RLN2: variants seen among roughly 807,000 people sequenced by gnomAD.
RLN2 encodes the protein prorelaxin H2.
RLN2 carries 10 observed loss-of-function variants against 7.3 expected under a neutral mutation model. That is an observed-to-expected ratio of 1.36 (90% confidence interval 0.84 to 2.31). The LOEUF (loss-of-function observed/expected upper bound fraction) is 2.31. Among genes scored for constraint, RLN2 ranks in the 30% most tolerant of loss-of-function variants. The probability of loss-of-function intolerance (pLI) is 0.00; values close to 1 mark genes in which losing one functional copy is unlikely to be tolerated. For synonymous variants in RLN2, 103 were observed against 82.3 expected (o/e 1.25, Z -1.36); for missense variants, 298 against 217.6 (o/e 1.37, Z -2.32).
chr9:5,304,315 C>T (rs1448115159), intron 1 of RLN2, 55 bp downstream of exon 1: 6 of 1,329,354 alleles, frequency 4.5e-6, no homozygotes, highest in Non-Finnish European at 5.2e-6. Context: ...GGGCGGCCGC[C>T]CCAGAGTAAC....
Position 5,300,084 on chromosome 9 carries a change from C to T in RLN2, c.*14G>A, listed in dbSNP as rs751612206. The T allele has an allele frequency of 6.6e-7, 1 of 1,508,514 alleles. No individual in the cohort carries two copies. Among genetic ancestry groups the T allele is most frequent in the East Asian group, 2.3e-5 (1 of 44,382 alleles). 93.4% of individuals were successfully genotyped at this position (1,508,514 alleles called of 1,614,324 possible). A position where few individuals can be genotyped will look rare whatever the true frequency, so the allele number is the denominator to read the frequency against. Reference sequence around the variant, plus strand: ...GTGTGAATATTATACGAGATGTGCACAATTAGCTTCATCTCAGCAAAATCT... The same window carrying T: ...GTGTGAATATTATACGAGATGTGCATAATTAGCTTCATCTCAGCAAAATCT... On this transcript the variant is annotated 3_prime_UTR_variant, in exon 2 of 2. Coordinates refer to ENST00000381627, the MANE Select transcript of RLN2 (RefSeq NM_134441.3).
upstream of RLN2, among the ~76,000 whole-genome samples, chr9:5,306,320 C>G (rs1372417772): frequency 1.3e-5 from 2 of 151,774 alleles, 1 homozygote; most frequent in Non-Finnish European, 2.9e-5. Flanking sequence ...GTTGGACAGG[C>G]TGGTCTGAAA....
At chr9:5,307,261 GAT>G (rs1816268797), upstream of RLN2, among the ~76,000 whole-genome samples, 1 of 116,258 alleles carries the variant, frequency 8.6e-6, no homozygotes, top group Non-Finnish European at 1.8e-5. Flanking sequence ...ATGATAGATA[GAT>G]AGATAGAGGA....
intron 1 of RLN2, 62 bp downstream of exon 1, chr9:5,304,308 C>T (rs961489414): frequency 7.3e-5 from 88 of 1,212,822 alleles, no homozygotes; most frequent in Non-Finnish European, 8.9e-5. Flanking sequence ...TCCAATTGGG[C>T]GGCCGCCCCA....
upstream of RLN2, among the ~76,000 whole-genome samples, chr9:5,306,193 C>T (rs1816249648): frequency 6.7e-6 from 1 of 150,342 alleles, no homozygotes; most frequent in South Asian, 2.1e-4. Context: ...CTGCAACCTC[C>T]ACCTCCCAGG....
chr9:5,329,598 G>A, the RLN2 span, among the ~76,000 whole-genome samples: 5 of 146,744 alleles, frequency 3.4e-5, 1 homozygote, highest in African/African-American at 1.3e-4. Flanking sequence ...AAAAAATGCA[G>A]GAGTTGCAAT....
the RLN2 span, among the ~76,000 whole-genome samples, chr9:5,313,787 A>G: frequency 2.0e-5 from 3 of 152,016 alleles, no homozygotes; most frequent in African/African-American, 7.3e-5. Flanking sequence ...AGCCAAAACA[A>G]TAAGTAAGCA....
At chr9:5,328,265 G>A in the RLN2 span, among the ~76,000 whole-genome samples, 1 of 151,986 alleles carries the variant, frequency 6.6e-6, no homozygotes, top group Admixed American at 6.6e-5. Context: ...CGTGACGCAT[G>A]CACAAGCTTC....
upstream of RLN2, among the ~76,000 whole-genome samples, chr9:5,306,111 T>G (rs939441567): frequency 5.7e-5 from 7 of 122,772 alleles, no homozygotes; most frequent in African/African-American, 1.6e-4. Context: ...TGTTTTTTGT[T>G]TTTTTTTTTT....
chr9:5,302,121 T>A (rs1816160295), intron 1 of RLN2, among the ~76,000 whole-genome samples: 1 of 152,232 alleles, frequency 6.6e-6, no homozygotes, highest in African/African-American at 2.4e-5. Flanking sequence ...AAAACAGTTA[T>A]AGTTTGTATT....
chr9:5,330,608 A>G, the RLN2 span, among the ~76,000 whole-genome samples: 1 of 144,266 alleles, frequency 6.9e-6, no homozygotes, highest in Admixed American at 7.1e-5. Context: ...ACTGCACTCC[A>G]GCCTGGGCGA....
chr9:5,314,661 G>A, the RLN2 span, among the ~76,000 whole-genome samples: 1 of 151,982 alleles, frequency 6.6e-6, no homozygotes, highest in South Asian at 2.1e-4. Flanking sequence ...ATTAGAGTAT[G>A]AGCTGCTGAG....
At chr9:5,308,359 A>C (rs560507055), upstream of RLN2, among the ~76,000 whole-genome samples, 1 of 152,048 alleles carries the variant, frequency 6.6e-6, no homozygotes, top group African/African-American at 2.4e-5. Context: ...GTATGGAAAG[A>C]AAGTTCAGAA....
chr9:5,328,587 G>C, the RLN2 span, among the ~76,000 whole-genome samples: 5 of 151,848 alleles, frequency 3.3e-5, no homozygotes, highest in African/African-American at 1.2e-4. Flanking sequence ...CTCGAGAAGA[G>C]CAACCCCAAG....
the RLN2 span, among the ~76,000 whole-genome samples, chr9:5,317,951 T>C: frequency 6.6e-6 from 1 of 151,694 alleles, no homozygotes; most frequent in Non-Finnish European, 1.5e-5. Flanking sequence ...TGCAAAATCG[T>C]ACGACCCTTT....
rs1827119705 is a variant in RLN2, at chr9:5,299,918, C to T, written c.*180G>A. The T allele has an allele frequency of 2.3e-6, 1 of 437,276 alleles. No homozygotes were observed. The highest frequency in any genetic ancestry group is 6.6e-5 in the South Asian group (1 of 15,246). The allele number at this position is 437,276 out of a possible 1,614,324, so 27.1% of individuals were successfully genotyped here. On this transcript the variant is annotated 3_prime_UTR_variant, in exon 2 of 2. Coordinates refer to ENST00000381627, the MANE Select transcript of RLN2 (RefSeq NM_134441.3). ...ACACAAAGAACATTTTCTTACACATCAAATAAAAAAATCTAAACATCAACA... is the reference window on the plus strand; with the variant it reads ...ACACAAAGAACATTTTCTTACACATTAAATAAAAAAATCTAAACATCAACA...
the RLN2 span, among the ~76,000 whole-genome samples, chr9:5,314,829 A>T: frequency 6.6e-6 from 1 of 152,010 alleles, no homozygotes; most frequent in Non-Finnish European, 1.5e-5. Context: ...CCCCAGGTCC[A>T]GAATCCCCAC....
the RLN2 span, among the ~76,000 whole-genome samples, chr9:5,322,143 G>A: frequency 2.0e-5 from 3 of 151,892 alleles, no homozygotes; most frequent in Non-Finnish European, 4.4e-5. Context: ...ACAGCAAAAC[G>A]GGAGCAGACA....
the RLN2 span, among the ~76,000 whole-genome samples, chr9:5,320,138 A>T: frequency 6.6e-6 from 1 of 151,754 alleles, no homozygotes; most frequent in Admixed American, 6.6e-5. Context: ...GGCACCTGCC[A>T]CCACATCTGG....
Sources: allele counts gnomAD v4.1 joint callset (sites outside exome capture counted in the v4.1 genomes callset), GRCh38; gene constraint gnomAD v4.1.1; transcripts MANE v1.5; gene names NCBI Gene and HGNC (gene_info 2026-07-23, HGNC 2026-07-21).